UHRF1: variants seen among roughly 807,000 people sequenced by gnomAD.
UHRF1 encodes ubiquitin like with PHD and ring finger domains 1.
In UHRF1, 9 loss-of-function variants were observed where a neutral mutation model predicts 96.5. The observed-to-expected ratio is 0.09, with a 90% CI of 0.06 to 0.16. The LOEUF is 0.16. UHRF1 is among the 10% of genes least tolerant of loss of function. The pLI is 1.00. For missense variants in UHRF1, 626 were observed against 1,131.1 expected, an observed-to-expected ratio of 0.55 and a Z score of 6.40; for synonymous variants, 455 against 469.9, an observed-to-expected ratio of 0.97 and a Z score of 0.41.
chr19:4,923,571 G>A (rs1422963041), intron 2 of UHRF1, among the ~76,000 whole-genome samples: 2 of 152,182 alleles, frequency 1.3e-5, no homozygotes, highest in Non-Finnish European at 2.9e-5. Context: ...GGATGCTCAC[G>A]CCGCTCTGGC....
chr19:4,933,068 C>T, intron 5 of UHRF1, 112 bp downstream of exon 5: 4 of 1,232,762 alleles, frequency 3.2e-6, no homozygotes, highest in Admixed American at 5.2e-5. Context: ...AGGCCCTTAG[C>T]CTCCGGCCTG....
At chr19:4,916,999 C>T (rs981842557) in intron 2 of UHRF1, among the ~76,000 whole-genome samples, 1 of 148,770 alleles carries the variant, frequency 6.7e-6, no homozygotes, top group Non-Finnish European at 1.5e-5. Flanking sequence ...TGCTGTGCCG[C>T]TAGGCAGTGT....
intron 16 of UHRF1, among the ~76,000 whole-genome samples, chr19:4,959,001 A>G (rs2033926005): frequency 6.6e-6 from 1 of 150,696 alleles, no homozygotes; most frequent in Non-Finnish European, 1.5e-5. Context: ...ATTCAGAGAC[A>G]GCATCTCACT....
chr19:4,942,840 AGAGGATCGGATCGCTG>A (rs1431822981), intron 7 of UHRF1, among the ~76,000 whole-genome samples: 2 of 151,698 alleles, frequency 1.3e-5, no homozygotes, highest in African/African-American at 4.8e-5. Context: ...GGCCGAGGTA[AGAGGATCGGATCGCTG>A]GAGCCCAGGA....
chr19:4,941,951 C>A lies in UHRF1; in HGVS notation c.1073+20C>A. 1 of 1,469,636 alleles carries A rather than the reference C, an allele frequency of 6.8e-7. No homozygotes were observed. Among genetic ancestry groups the A allele is most frequent in the Admixed American group, 2.7e-5 (1 of 37,444 alleles). The allele number at this position is 1,469,636 out of a possible 1,614,324, so 91.0% of individuals were successfully genotyped here. ...CGAGTGGTGAGTGCGGCCCTGCCCG[C>A]CGCGGGGAGACCAGAGCGCCCCCTA... is the stretch of plus-strand genomic sequence containing the variant. On this transcript the variant is annotated intron_variant, in intron 7 of 16. Transcript: ENST00000650932.
chr19:4,940,022 A>C (rs2033341829), intron 5 of UHRF1, among the ~76,000 whole-genome samples: 2 of 112,238 alleles, frequency 1.8e-5, no homozygotes, highest in African/African-American at 6.6e-5. Context: ...AGACTGTCTC[A>C]AAAAAAAAAA....
intron 5 of UHRF1, among the ~76,000 whole-genome samples, chr19:4,940,916 G>T (rs1599279651): frequency 6.6e-6 from 1 of 150,914 alleles, no homozygotes; most frequent in East Asian, 2.0e-4. Context: ...CAGATGATCG[G>T]CCTGCCTCGG....
chr19:4,910,799 C>T (rs951428954), intron 1 of UHRF1, 77 bp from the exon 2 acceptor site: 2 of 1,474,564 alleles, frequency 1.4e-6, no homozygotes, highest in South Asian at 1.4e-5. Context: ...ACAAAAGCAA[C>T]CCCGACTCCT....
At chr19:4,915,179 G>C (rs1346377566) in intron 2 of UHRF1, among the ~76,000 whole-genome samples, 1 of 152,234 alleles carries the variant, frequency 6.6e-6, no homozygotes, top group Non-Finnish European at 1.5e-5. Flanking sequence ...ACTTGTCACA[G>C]TGATGCCTCA....
At chr19:4,935,479 A>G (rs1286425711) in intron 5 of UHRF1, among the ~76,000 whole-genome samples, 1 of 151,704 alleles carries the variant, frequency 6.6e-6, no homozygotes, top group African/African-American at 2.4e-5. Context: ...GACTCATACA[A>G]CCCCTTCCAA....
intron 7 of UHRF1, 26 bp from the exon 8 acceptor site, chr19:4,944,106 G>A: frequency 6.2e-7 from 1 of 1,612,378 alleles, no homozygotes; most frequent in South Asian, 1.1e-5. Context: ...GGCTAGGCGT[G>A]GGCAGTGACA....
intron 16 of UHRF1, 81 bp from the exon 17 acceptor site, chr19:4,960,575 TC>T (rs1178556136): frequency 1.4e-6 from 2 of 1,435,236 alleles, no homozygotes; most frequent in African/African-American, 2.0e-5. Flanking sequence ...GGTGAGACTG[TC>T]CCCACAGTCC....
At chr19:4,959,764 G>A (rs754164710) in intron 16 of UHRF1, among the ~76,000 whole-genome samples, 2 of 152,144 alleles carry the variant, frequency 1.3e-5, no homozygotes, top group African/African-American at 2.4e-5. Flanking sequence ...GTGCAATGGC[G>A]TGATCATGGC....
At chr19:4,910,624 T>G in intron 1 of UHRF1, 1 of 383,720 alleles carries the variant, frequency 2.6e-6, no homozygotes, top group East Asian at 3.8e-5. Flanking sequence ...CTTCTGCTTT[T>G]CTTTCAATTC....
intron 2 of UHRF1, among the ~76,000 whole-genome samples, chr19:4,918,597 A>G (rs1205902525): frequency 6.8e-6 from 1 of 147,192 alleles, no homozygotes; most frequent in Non-Finnish European, 1.5e-5. Flanking sequence ...TATTTTTAGT[A>G]GAGACGAGGT....
intron 11 of UHRF1, among the ~76,000 whole-genome samples, chr19:4,949,846 GT>G (rs35696908): frequency 0.6 from 89,986 of 149,450 alleles, 27,341 homozygotes; most frequent in East Asian, 0.81. Flanking sequence ...CTTTTTGTTT[GT>G]TTTTTTTTTA....
intron 7 of UHRF1, among the ~76,000 whole-genome samples, chr19:4,942,680 C>T (rs996525427): frequency 2.6e-5 from 4 of 151,930 alleles, no homozygotes; most frequent in East Asian, 3.9e-4. Flanking sequence ...TAACTCCTGA[C>T]CTTAAGTGAT....
chr19:4,927,380 C>CAA (rs35783129), intron 2 of UHRF1, among the ~76,000 whole-genome samples: 17,367 of 83,116 alleles, frequency 0.21, 1,536 homozygotes, highest in Non-Finnish European at 0.24. Context: ...GACTCCATCT[C>CAA]AAAAAAAAAA....
intron 2 of UHRF1, among the ~76,000 whole-genome samples, chr19:4,912,723 G>A (rs117300071): frequency 1.1e-3 from 168 of 152,190 alleles, no homozygotes; most frequent in Non-Finnish European, 2.0e-3. Flanking sequence ...AGTACCTAGA[G>A]CTCAGTATTT....
Sources: gnomAD v4.1 joint callset for allele counts (sites outside exome capture counted in the v4.1 genomes callset) on GRCh38, gnomAD v4.1.1 for gene constraint, MANE v1.5 for transcripts, NCBI Gene and HGNC (gene_info 2026-07-23, HGNC 2026-07-21) for gene names.